COL3A1: variants seen among roughly 807,000 people sequenced by gnomAD.
COL3A1 encodes collagen alpha-1(III) chain.
Under a neutral mutation model 200.9 loss-of-function variants are expected in COL3A1, and 46 were observed. That is an observed-to-expected ratio of 0.23 (90% CI 0.18 to 0.29). The LOEUF is 0.29. Among genes scored for constraint, COL3A1 ranks in the 10% least tolerant of loss-of-function variants. The pLI, the probability that COL3A1 is intolerant of heterozygous loss-of-function variation, is 1.00. For missense variants in COL3A1, 1,367 were observed against 1,917.6 expected (o/e 0.71, Z 5.36); for synonymous variants, 650 against 628.0 (o/e 1.03, Z -0.52).
intron 45 of COL3A1, 39 bp from the exon 46 acceptor site, chr2:189,007,846 T>A (rs1688628954): frequency 6.2e-7 from 1 of 1,610,234 alleles, no homozygotes; most frequent in African/African-American, 1.3e-5. Flanking sequence ...CAGTGCTTTT[T>A]AAGGCCTTCA....
intron 27 of COL3A1, among the ~76,000 whole-genome samples, chr2:188,998,049 C>A (rs1270865495): frequency 1.1e-4 from 16 of 152,082 alleles, no homozygotes; most frequent in Admixed American, 1.0e-3. Flanking sequence ...TACATTTTTA[C>A]GTGTAGCAAT....
intron 38 of COL3A1, 47 bp from the exon 39 acceptor site, chr2:189,003,935 A>G (rs775477050): frequency 2.1e-5 from 33 of 1,567,764 alleles, no homozygotes; most frequent in Middle Eastern, 1.9e-4. Context: ...GAAAGAAAAA[A>G]TGCACTTTTT....
At chr2:188,978,515 A>C (rs775570156) in intron 1 of COL3A1, among the ~76,000 whole-genome samples, 3 of 151,916 alleles carry the variant, frequency 2.0e-5, no homozygotes, top group Non-Finnish European at 4.4e-5. Context: ...GAGTTCCAAA[A>C]ATTATGTAGC....
At chr2:188,986,677 G>T (rs759949421) in intron 4 of COL3A1, among the ~76,000 whole-genome samples, 25 of 151,868 alleles carry the variant, frequency 1.6e-4, no homozygotes, top group Non-Finnish European at 3.2e-4. Flanking sequence ...TCATTTTTTT[G>T]CTCAAAATGA....
At chr2:188,995,261 C>A (rs1447006114) in intron 21 of COL3A1, among the ~76,000 whole-genome samples, 162 bp downstream of exon 21, 1 of 152,130 alleles carries the variant, frequency 6.6e-6, no homozygotes, top group Non-Finnish European at 1.5e-5. Flanking sequence ...ACTTTCCTGG[C>A]TTTGTAACTA....
At chr2:189,010,939 G>A in intron 50 of COL3A1, 49 bp downstream of exon 50, 1 of 1,608,234 alleles carries the variant, frequency 6.2e-7, no homozygotes, top group Non-Finnish European at 8.5e-7. Flanking sequence ...CAGCATTTTA[G>A]TTTAATCATG....
chr2:189,009,900 G>A (rs949879390), intron 48 of COL3A1, among the ~76,000 whole-genome samples: 13 of 152,090 alleles, frequency 8.5e-5, no homozygotes, highest in African/African-American at 3.1e-4. Context: ...TTTTAAAGGA[G>A]AGACTTTTGC....
At chr2:188,976,792 G>A (rs1348798218) in intron 1 of COL3A1, among the ~76,000 whole-genome samples, 1 of 152,172 alleles carries the variant, frequency 6.6e-6, no homozygotes, top group Admixed American at 6.5e-5. Flanking sequence ...CACCAATGGA[G>A]AAACATAGTC....
At chr2:188,992,045 T>C (rs1003591450) in intron 13 of COL3A1, 139 bp from the exon 14 acceptor site, 16 of 828,732 alleles carry the variant, frequency 1.9e-5, no homozygotes, top group Non-Finnish European at 3.1e-5. Flanking sequence ...TAATTGACTT[T>C]AAAATACATA....
At chr2:188,993,888 A>G (rs1019902929) in intron 16 of COL3A1, 150 bp from the exon 17 acceptor site, 129 of 731,438 alleles carry the variant, frequency 1.8e-4, no homozygotes, top group Admixed American at 6.5e-5. Flanking sequence ...TTTTGACCAC[A>G]TTTCATATGT....
chr2:188,999,163 C>T, intron 29 of COL3A1, 122 bp from the exon 30 acceptor site: 1 of 959,876 alleles, frequency 1.0e-6, no homozygotes, highest in Non-Finnish European at 1.6e-6. Context: ...TTTAAGTATA[C>T]AAATTTCTAG....
chr2:188,986,677 GCTCAAAATGAGAA>G (rs1688071248), intron 4 of COL3A1, among the ~76,000 whole-genome samples: 1 of 151,868 alleles, frequency 6.6e-6, no homozygotes, highest in South Asian at 2.1e-4. Context: ...TCATTTTTTT[GCTCAAAATGAGAA>G]GGTGTATTAT....
chr2:188,981,000 TTTCA>T (rs1364669928), intron 1 of COL3A1, among the ~76,000 whole-genome samples: 2 of 151,362 alleles, frequency 1.3e-5, no homozygotes, highest in African/African-American at 4.8e-5. Flanking sequence ...AACATTCACT[TTTCA>T]TTCAAGCCAA....
At position 188,992,240 on chromosome 2, in the gene COL3A1, T is replaced by C. The variant is rs1257455473; in HGVS notation, c.996+12T>C. The C allele has an allele frequency of 1.9e-6, 3 of 1,613,440 alleles. No homozygotes were observed. The highest frequency in any genetic ancestry group is 1.7e-6 in the Non-Finnish European group (2 of 1,179,452). ...GTGATGGTCAACCAGTAAGTAACTT[T>C]CTATCTCTTATGTGTTGTAGGGTAA... On this transcript the variant is annotated intron_variant, in intron 14 of 50. Coordinates refer to ENST00000304636, the MANE Select transcript of COL3A1 (RefSeq NM_000090.4).
intron 1 of COL3A1, among the ~76,000 whole-genome samples, chr2:188,981,524 T>C (rs1239172805): frequency 6.6e-6 from 1 of 151,554 alleles, no homozygotes; most frequent in East Asian, 1.9e-4. Flanking sequence ...AATAGTAGAA[T>C]GAAATTATTT....
intron 24 of COL3A1, 111 bp from the exon 25 acceptor site, chr2:188,997,042 GACATATATATAT>G (rs1688341529): frequency 1.6e-5 from 4 of 257,036 alleles, no homozygotes; most frequent in Non-Finnish European, 2.3e-5. Context: ...ATATATATGA[GACATATATATAT>G]GAGACATATA....
chr2:189,003,070 C>T lies in COL3A1; in HGVS notation c.2553+8C>T. The T allele has an allele frequency of 6.5e-7, 1 of 1,538,686 alleles. No individual in the cohort carries two copies. Among genetic ancestry groups the T allele is most frequent in the Non-Finnish European group, 8.8e-7 (1 of 1,135,392 alleles). On this transcript the variant is annotated splice_region_variant and intron_variant, in intron 36 of 50. Transcript: ENST00000304636. Reference sequence around the variant, plus strand: ...GGAGGTTCTGGACCTGCTGTAAGTTCCTTCCTCTTTCTCTGTCTATCTATC... The same window carrying T: ...GGAGGTTCTGGACCTGCTGTAAGTTTCTTCCTCTTTCTCTGTCTATCTATC...
In COL3A1 at chr2:188,990,309, T is replaced by C. The variant is rs1559054631; in HGVS notation, c.747T>C (p.Gly249=). The change falls in exon 10 of 51, where the codon GGT becomes GGC. Residue 249 remains glycine (G), a splice_region_variant and synonymous_variant. Transcript: ENST00000304636. ...PGERGLPGPP[G]IKGPAGIPGF... ...ATTTTTTCATTCATTATTTTTAGGG[T>C]ATCAAAGGTCCAGCTGGGATACCTG... is the stretch of plus-strand genomic sequence containing the variant. The C allele has an allele frequency of 1.2e-6, 2 of 1,612,452 alleles. No homozygotes were observed. The highest frequency in any genetic ancestry group is 1.7e-6 in the Non-Finnish European group (2 of 1,178,886).
In COL3A1 at chr2:189,008,164, T is replaced by C. The variant is rs755832477; in HGVS notation, c.3525+22T>C. On this transcript the variant is annotated intron_variant, in intron 47 of 50. Transcript: ENST00000304636. ...TGAGGTAAGACATCACTTATACGTA[T>C]GTGTATTTAATTTGCTACAATCTTC... The C allele has an allele frequency of 7.0e-6, 11 of 1,578,758 alleles. No homozygotes were observed. The East Asian group carries it at 2.0e-4, about 29-fold the overall frequency.
Sources: allele counts gnomAD v4.1 joint callset (sites outside exome capture counted in the v4.1 genomes callset), GRCh38; gene constraint gnomAD v4.1.1; transcripts MANE v1.5; gene names NCBI Gene and HGNC (gene_info 2026-07-23, HGNC 2026-07-21).